The following MOSMO variants were observed in gnomAD, a reference collection of about 807,000 sequenced individuals.
MOSMO encodes the protein modulator of smoothened, also known as modulator of smoothened protein.
In MOSMO, 5 loss-of-function variants were observed where a neutral mutation model predicts 18.4. The ratio of observed to expected loss-of-function variants is 0.27; its 90% CI spans 0.14 to 0.57. MOSMO has a LOEUF of 0.57. Ranked by LOEUF, MOSMO falls within the 20% of genes least tolerant of loss-of-function variation. MOSMO has a pLI of 0.92. For synonymous variants in MOSMO, 82 were observed against 82.3 expected, an observed-to-expected ratio of 1.00 and a Z score of 0.02; for missense variants, 138 against 211.8, an observed-to-expected ratio of 0.65 and a Z score of 2.16.
chr16:22,022,988 G>A (rs1181160548), intron 1 of MOSMO, among the ~76,000 whole-genome samples: 2 of 152,146 alleles, frequency 1.3e-5, no homozygotes, highest in Non-Finnish European at 2.9e-5. Context: ...AAATGTAAAG[G>A]ATGATTGATA....
intron 2 of MOSMO, among the ~76,000 whole-genome samples, chr16:22,078,671 A>G (rs955155525): frequency 1.3e-5 from 2 of 152,174 alleles, no homozygotes; most frequent in Non-Finnish European, 2.9e-5. Flanking sequence ...CAACATTAAG[A>G]AAAAAATTGT....
intron 1 of MOSMO, among the ~76,000 whole-genome samples, chr16:22,016,348 T>C (rs1899636461): frequency 6.6e-6 from 1 of 152,230 alleles, no homozygotes; most frequent in Admixed American, 6.5e-5. Context: ...GTTAGTCATT[T>C]ATTACATAAA....
chr16:22,058,462 G>T (rs1200708321), intron 1 of MOSMO, among the ~76,000 whole-genome samples: 1 of 151,728 alleles, frequency 6.6e-6, no homozygotes, highest in Non-Finnish European at 1.5e-5. Flanking sequence ...CAATTGCTTT[G>T]CAGTATGAAG....
chr16:22,042,312 T>C (rs990203364), intron 1 of MOSMO, among the ~76,000 whole-genome samples: 4 of 150,392 alleles, frequency 2.7e-5, no homozygotes, highest in African/African-American at 9.7e-5. Context: ...CGGCAGTTAT[T>C]TGACACCTTT....
At chr16:22,023,589 T>C (rs184231149) in intron 1 of MOSMO, among the ~76,000 whole-genome samples, 1 of 151,508 alleles carries the variant, frequency 6.6e-6, no homozygotes, top group Admixed American at 6.5e-5. Context: ...TTGTATCTCT[T>C]ATCCATCACC....
chr16:22,070,004 A>G (rs145109065), intron 1 of MOSMO, among the ~76,000 whole-genome samples: 10 of 152,280 alleles, frequency 6.6e-5, no homozygotes, highest in Non-Finnish European at 1.5e-4. Flanking sequence ...CACAAGGAGA[A>G]AGGATTGTGA....
intron 2 of MOSMO, among the ~76,000 whole-genome samples, chr16:22,077,309 C>G (rs1384331025): frequency 6.6e-6 from 1 of 152,180 alleles, no homozygotes; most frequent in Non-Finnish European, 1.5e-5. Flanking sequence ...TATCTGTTTT[C>G]CATTCCCCTT....
At chr16:22,039,968 A>G (rs1900179863) in intron 1 of MOSMO, among the ~76,000 whole-genome samples, 1 of 152,216 alleles carries the variant, frequency 6.6e-6, no homozygotes, top group Non-Finnish European at 1.5e-5. Context: ...TATCTGTCTT[A>G]CTACTGCTAT....
Position 22,056,313 on chromosome 16 carries a change from T to C in MOSMO, c.107-19174T>C, listed in dbSNP as rs140995855. ...ATTAATTGTCAATTCTGTAGTCTTT[T>C]TTTCCTTCAAGTTTCTCTTGTCGCT... On this transcript the variant is annotated intron_variant, in intron 1 of 2. Transcript: ENST00000542527. Among the ~76,000 whole-genome samples, 262 of 151,960 alleles carry C rather than the reference T, an allele frequency of 1.7e-3. 6 individuals are homozygous for C. In the East Asian group the frequency reaches 0.035, roughly 20 times the overall value.
intron 1 of MOSMO, among the ~76,000 whole-genome samples, chr16:22,061,413 C>T (rs562607891): frequency 7.9e-5 from 12 of 152,264 alleles, no homozygotes; most frequent in African/African-American, 2.6e-4. Flanking sequence ...GTAGTGGTGC[C>T]TGTGGATAGA....
chr16:22,017,791 C>G (rs958322275), intron 1 of MOSMO, among the ~76,000 whole-genome samples: 1 of 152,090 alleles, frequency 6.6e-6, no homozygotes, highest in African/African-American at 2.4e-5. Context: ...CTCTTGTTAA[C>G]TGCAAATTAC....
At chr16:22,011,874 T>C (rs1383645816) in intron 1 of MOSMO, among the ~76,000 whole-genome samples, 3 of 151,320 alleles carry the variant, frequency 2.0e-5, no homozygotes, top group Non-Finnish European at 2.9e-5. Flanking sequence ...GGTTTACCGT[T>C]GTGCTTGAGC....
At chr16:22,008,556 G>A (rs1021594321) in intron 1 of MOSMO, 149 bp downstream of exon 1, 1 of 560,660 alleles carries the variant, frequency 1.8e-6, no homozygotes, top group Non-Finnish European at 3.1e-6. Flanking sequence ...CCCGGGCCGC[G>A]GAGGAAAGGG....
chr16:22,081,061 AT>A lies in MOSMO; in HGVS notation c.*184del. 7.7e-6 allele frequency: 2 copies of A among 259,062 alleles called. No individual in the cohort carries two copies. The highest frequency in any genetic ancestry group is 6.1e-5 in the East Asian group (1 of 16,398). 16.0% of individuals were successfully genotyped at this position (259,062 alleles called of 1,614,324 possible). ...GGTTTGTTCTCACTATGCACTTTGG[AT>A]TTAAAAAAAAAAAAAAAAAGGAGAG... On this transcript the variant is annotated 3_prime_UTR_variant, in exon 3 of 3. Transcript: ENST00000542527.
chr16:22,060,442 A>C (rs1371536569), intron 1 of MOSMO, among the ~76,000 whole-genome samples: 1 of 152,244 alleles, frequency 6.6e-6, no homozygotes, highest in Non-Finnish European at 1.5e-5. Flanking sequence ...CATTAGGGAA[A>C]TAAAACCACA....
At chr16:22,058,618 C>G (rs1444612684) in intron 1 of MOSMO, among the ~76,000 whole-genome samples, 1 of 151,818 alleles carries the variant, frequency 6.6e-6, no homozygotes, top group African/African-American at 2.4e-5. Context: ...AGAGTGGGAA[C>G]CTATGGGGGA....
chr16:22,059,865 A>G (rs1900608142), intron 1 of MOSMO, among the ~76,000 whole-genome samples: 1 of 152,160 alleles, frequency 6.6e-6, no homozygotes, highest in Non-Finnish European at 1.5e-5. Context: ...CTAAGTAGCC[A>G]CAGAAGGCAG....
chr16:22,088,063 C>T (rs778534937), downstream of MOSMO, among the ~76,000 whole-genome samples: 9 of 151,904 alleles, frequency 5.9e-5, no homozygotes, highest in Non-Finnish European at 1.2e-4. Flanking sequence ...GGGTCTTGCT[C>T]TGTCACCCAG....
intron 1 of MOSMO, among the ~76,000 whole-genome samples, chr16:22,043,929 G>A (rs1317360414): frequency 2.0e-5 from 3 of 152,146 alleles, no homozygotes; most frequent in South Asian, 2.1e-4. Flanking sequence ...ACAGTTCCAC[G>A]TGACTGGGGA....
Sources: allele counts gnomAD v4.1 joint callset (sites outside exome capture counted in the v4.1 genomes callset), GRCh38; gene constraint gnomAD v4.1.1; transcripts MANE v1.5; gene names NCBI Gene and HGNC (gene_info 2026-07-23, HGNC 2026-07-21).